ITGA11: variants seen among roughly 807,000 people sequenced by gnomAD.
ITGA11 encodes integrin alpha-11.
Under a neutral mutation model 141.9 loss-of-function variants are expected in ITGA11, and 97 were observed. The observed-to-expected ratio is 0.68, with a 90% CI of 0.58 to 0.81. The LOEUF (loss-of-function observed/expected upper bound fraction) is 0.81. Ranked by LOEUF, ITGA11 falls within the 30% of genes least tolerant of loss-of-function variation. The pLI is 0.00. For synonymous variants in ITGA11, 658 were observed against 624.6 expected (o/e 1.05, Z -0.80); for missense variants, 1,387 against 1,559.2 (o/e 0.89, Z 1.86).
At chr15:68,363,627 C>G (rs181164730) in intron 4 of ITGA11, among the ~76,000 whole-genome samples, 1 of 152,330 alleles carries the variant, frequency 6.6e-6, no homozygotes, top group Non-Finnish European at 1.5e-5. Context: ...AAGACTGACA[C>G]AAGCACCCCA....
At chr15:68,395,736 G>T (rs1347024151) in intron 2 of ITGA11, among the ~76,000 whole-genome samples, 1 of 113,840 alleles carries the variant, frequency 8.8e-6, no homozygotes, top group Non-Finnish European at 1.8e-5. Flanking sequence ...GGGGTGGGGG[G>T]CTGGGGGAGG....
rs889708800 is a variant in ITGA11 at position 68,325,607 on chromosome 15, C to T, written c.2212-366G>A. On this transcript the variant is annotated intron_variant, in intron 17 of 29. Transcript: ENST00000315757. This position sits in a 1 kb window ranked among gnomAD's most constrained non-coding sequence, Gnocchi z 5.5. ...ACTCTCTTCAGACCAGTTACGCCTG[C>T]TGCTCATGTAGCATTTGAACCATAT... Among the ~76,000 whole-genome samples the T allele has an allele frequency of 9.9e-5, 15 of 152,218 alleles. No homozygotes were observed. Among genetic ancestry groups the T allele is most frequent in the African/African-American group, 3.6e-4 (15 of 41,466 alleles).
rs1375549354 is a variant in ITGA11 at position 68,317,360 on chromosome 15, C to T, written c.2620G>A (p.Asp874Asn). The T allele has an allele frequency of 1.2e-6, 2 of 1,610,354 alleles. No individual in the cohort carries two copies. Among genetic ancestry groups the T allele is most frequent in the East Asian group, 2.2e-5 (1 of 44,850 alleles). The part of the protein sequence containing the change: ...LQFASLIQKE[D>N]SDGSIECVNE... ...ACACACTCAATGCTACCGTCTGAGT[C>T]CTCCTGGAGGTGGGTGGCAGACATC... Residue 874 changes from aspartate (D) to asparagine (N), a missense_variant, in exon 21 of 30, where the codon GAC (aspartate) becomes AAC (asparagine). Physicochemically the swap from Asp to Asn is conservative, Grantham distance 23. Transcript: ENST00000315757.
chr15:68,430,931 C>T (rs973674691), intron 1 of ITGA11, among the ~76,000 whole-genome samples: 4 of 152,238 alleles, frequency 2.6e-5, no homozygotes, highest in Non-Finnish European at 2.9e-5. Flanking sequence ...TCCACCTGAG[C>T]TCCCTGAGGG....
chr15:68,403,031 T>TGAGGCAGGGGGAGAGGAGAGGA lies in ITGA11; in HGVS notation c.53-24_53-3dup. On this transcript the variant is annotated splice_polypyrimidine_tract_variant and splice_region_variant and intron_variant, in intron 1 of 29. Coordinates refer to ENST00000315757, the MANE Select transcript of ITGA11 (RefSeq NM_001004439.2). ...CCATGTTGAAGGTGTCCGTGAACCC[T>TGAGGCAGGGGGAGAGGAGAGGA]GAGGCAGGGGGAGAGGAGAGGAGAA... 2 of 1,604,860 alleles carry TGAGGCAGGGGGAGAGGAGAGGA rather than the reference T, an allele frequency of 1.2e-6. No homozygotes were observed. The highest frequency in any genetic ancestry group is 1.7e-6 in the Non-Finnish European group (2 of 1,172,648).
chr15:68,380,960 C>T (rs142373414), intron 2 of ITGA11, among the ~76,000 whole-genome samples: 1 of 152,322 alleles, frequency 6.6e-6, no homozygotes, highest in African/African-American at 2.4e-5. Flanking sequence ...AGCATTGTCA[C>T]CCAGTCAGGT....
chr15:68,361,547 T>C (rs1312332312), intron 5 of ITGA11, 43 bp downstream of exon 5: 1 of 1,311,426 alleles, frequency 7.6e-7, no homozygotes, highest in Non-Finnish European at 1.1e-6. Flanking sequence ...CTCTCTGGAC[T>C]GTCCACTGCT....
intron 10 of ITGA11, among the ~76,000 whole-genome samples, chr15:68,343,674 G>A (rs1046693806): frequency 1.4e-4 from 21 of 152,148 alleles, no homozygotes; most frequent in East Asian, 7.7e-4. Flanking sequence ...GTCCTCCCCC[G>A]CCAAACTCCC....
Position 68,320,181 on chromosome 15 carries a change from T to C in ITGA11, c.2616+4A>G, listed in dbSNP as rs199536318. On this transcript the variant is annotated splice_donor_region_variant and intron_variant, in intron 20 of 29. Coordinates refer to ENST00000315757, the MANE Select transcript of ITGA11 (RefSeq NM_001004439.2). Reference sequence around the variant, plus strand: ...GCAGTCTGGGCAGGTCGCTGAGGTCTTACCTTCTGGATCAAGCTGGCAAAC... The same window carrying C: ...GCAGTCTGGGCAGGTCGCTGAGGTCCTACCTTCTGGATCAAGCTGGCAAAC... 1.9e-6 allele frequency: 3 copies of C among 1,613,832 alleles called. No homozygotes were observed. The East Asian group carries it at 6.7e-5, about 36-fold the overall frequency.
rs576413212 is a variant in ITGA11, at chr15:68,328,089, G to C, written c.2068+7C>G. 1.5e-5 allele frequency: 24 copies of C among 1,612,328 alleles called. No homozygotes were observed. In the South Asian group the frequency reaches 2.6e-4, roughly 18 times the overall value. On this transcript the variant is annotated splice_region_variant and intron_variant, in intron 16 of 29. Transcript: ENST00000315757. The surrounding 1 kb of genome is among the most constrained non-coding windows in gnomAD (Gnocchi z 4.8). ...GGGGGTGGGGAGAAAGGAGGGGCCT[G>C]CTTTACCAACAGTTGTTGTTTGGAA... is the stretch of plus-strand genomic sequence containing the variant.
chr15:68,368,267 G>A (rs2140359172), intron 3 of ITGA11, among the ~76,000 whole-genome samples: 1 of 152,326 alleles, frequency 6.6e-6, no homozygotes, highest in Non-Finnish European at 1.5e-5. Context: ...CCAGGGTCCT[G>A]GCCCTAGGGA....
rs551015550 is a variant in ITGA11, at chr15:68,296,882, T to C, written c.*6177A>G. The C allele has an allele frequency of 6.6e-6, 1 of 152,162 alleles. No individual in the cohort carries two copies. Among genetic ancestry groups the C allele is most frequent in the Admixed American group, 6.5e-5 (1 of 15,282 alleles). The allele number at this position is 152,162 out of a possible 1,614,324, so 9.4% of individuals were successfully genotyped here. On this transcript the variant is annotated 3_prime_UTR_variant, in exon 30 of 30. Coordinates refer to ENST00000315757, the MANE Select transcript of ITGA11 (RefSeq NM_001004439.2). Reference sequence around the variant, plus strand: ...AGACACTTTTATGGCTTCCCTTCCCTTCTTTCTCCTTCTCTTCTTTGGTTT... The same window carrying C: ...AGACACTTTTATGGCTTCCCTTCCCCTCTTTCTCCTTCTCTTCTTTGGTTT...
rs933405086 is a variant in ITGA11, at chr15:68,321,375, G to A, written c.2408+43C>T. ...CAGGAGCCCCAGAGCCTCTGGCAGT[G>A]AAGGGGAAGGGGCGAGGGTGGGGGT... On this transcript the variant is annotated intron_variant, in intron 19 of 29. Transcript: ENST00000315757. This position sits in a 1 kb window ranked among gnomAD's most constrained non-coding sequence, Gnocchi z 4.9. The A allele has an allele frequency of 7.6e-7, 1 of 1,312,390 alleles. No homozygotes were observed. Among genetic ancestry groups the A allele is most frequent in the Non-Finnish European group, 1.0e-6 (1 of 953,838 alleles). The allele number at this position is 1,312,390 out of a possible 1,614,324, so 81.3% of individuals were successfully genotyped here. A position where few individuals can be genotyped will look rare whatever the true frequency, so the allele number is the denominator to read the frequency against.
intron 2 of ITGA11, among the ~76,000 whole-genome samples, chr15:68,374,122 A>G (rs879651966): frequency 1.3e-5 from 2 of 151,364 alleles, no homozygotes; most frequent in Non-Finnish European, 3.0e-5. Flanking sequence ...AAGACCAATG[A>G]GGGAGAAGCA....
Position 68,328,136 on chromosome 15 carries a change from C to G in ITGA11, c.2028G>C (p.Thr676=). The change falls in exon 16 of 30, where the codon ACG becomes ACC. Residue 676 remains threonine, a synonymous_variant. Coordinates refer to ENST00000315757, the MANE Select transcript of ITGA11 (RefSeq NM_001004439.2). This position sits in a 1 kb window ranked among gnomAD's most constrained non-coding sequence, Gnocchi z 4.8. ...GGAAATGGGGTGCCAGGAAGATGGG[C>G]GTGAAGCAGAGGAAGGCGGCCAGGC... ...ATCLAAFLCF[T]PIFLAPHFQT... 6.2e-7 allele frequency: 1 copy of G among 1,613,726 alleles called. No individual in the cohort carries two copies. The highest frequency in any genetic ancestry group is 8.5e-7 in the Non-Finnish European group (1 of 1,179,872).
Position 68,361,628 on chromosome 15 carries a change from T to C in ITGA11, c.434A>G (p.Asn145Ser), listed in dbSNP as rs1159557390. 1.2e-6 allele frequency: 2 copies of C among 1,610,354 alleles called. No individual in the cohort carries two copies. Among genetic ancestry groups the C allele is most frequent in the Admixed American group, 1.7e-5 (1 of 59,568 alleles). The change falls in exon 5 of 30, where the codon AAC (asparagine) becomes AGC (serine). Residue 145 changes from asparagine (N) to serine (S), a missense_variant. Asn to Ser is a conservative substitution (Grantham distance 46, BLOSUM62 1). Transcript: ENST00000315757. ...GGCCACGGTCTTGGAGAACCTGAAG[T>C]TGGAGTTGACTCTTGAACACATCCC... Reference protein sequence around the residue: ...TTGMCSRVNSNFRFSKTVAPA... With the variant: ...TTGMCSRVNSSFRFSKTVAPA...
At chr15:68,367,931 G>A (rs1293598511) in intron 3 of ITGA11, among the ~76,000 whole-genome samples, 1 of 152,180 alleles carries the variant, frequency 6.6e-6, no homozygotes, top group African/African-American at 2.4e-5. Flanking sequence ...GGAACCATAT[G>A]CCACCAACCA....
intron 1 of ITGA11, among the ~76,000 whole-genome samples, chr15:68,422,499 C>T (rs1174015569): frequency 3.9e-5 from 6 of 152,102 alleles, no homozygotes; most frequent in African/African-American, 1.4e-4. Flanking sequence ...GCCATCTTAT[C>T]ATTCTACCTG....
At chr15:68,306,871 G>T (rs1326802357) in intron 28 of ITGA11, among the ~76,000 whole-genome samples, 2 of 152,258 alleles carry the variant, frequency 1.3e-5, no homozygotes, top group African/African-American at 4.8e-5. Flanking sequence ...CGGCTGCCCT[G>T]TCTATTTCCA....
Sources: allele counts gnomAD v4.1 joint callset (sites outside exome capture counted in the v4.1 genomes callset), GRCh38; gene constraint gnomAD v4.1.1; non-coding constraint Gnocchi (gnomAD v3.1); transcripts MANE v1.5; gene names NCBI Gene and HGNC (gene_info 2026-07-23, HGNC 2026-07-21).